Variants in APP observed in about 807,000 individuals in gnomAD.
APP encodes the protein amyloid-beta precursor protein.
In APP, 31 loss-of-function variants were observed where a neutral mutation model predicts 101.4. That is an observed-to-expected ratio of 0.31 (90% CI 0.23 to 0.41). The LOEUF (loss-of-function observed/expected upper bound fraction) is 0.41, where lower values mean the gene tolerates loss of function less well. Ranked by LOEUF, APP falls within the 10% of genes least tolerant of loss-of-function variation. The pLI is 1.00. For missense variants in APP, 839 were observed against 1,003.7 expected (o/e 0.84, Z 2.22); for synonymous variants, 366 against 364.4 (o/e 1.00, Z -0.05).
chr21:25,963,415 A>G (rs2041664811), intron 11 of APP, among the ~76,000 whole-genome samples: 1 of 152,178 alleles, frequency 6.6e-6, no homozygotes, highest in Non-Finnish European at 1.5e-5. Context: ...TTCTTATGGA[A>G]GGCAGTGAAG....
intron 3 of APP, among the ~76,000 whole-genome samples, chr21:26,077,047 A>G (rs1272378563): frequency 7.0e-6 from 1 of 143,880 alleles, no homozygotes; most frequent in East Asian, 2.1e-4. Flanking sequence ...TGGGCGACAG[A>G]GTGAGACTCT....
intron 2 of APP, among the ~76,000 whole-genome samples, chr21:26,106,954 C>T (rs1194413209): frequency 6.6e-6 from 1 of 152,190 alleles, no homozygotes; most frequent in Non-Finnish European, 1.5e-5. Flanking sequence ...TTTTGTCACA[C>T]ACACATACAA....
At chr21:25,972,869 A>G (rs529953993) in intron 11 of APP, among the ~76,000 whole-genome samples, 1 of 152,286 alleles carries the variant, frequency 6.6e-6, no homozygotes, top group African/African-American at 2.4e-5. Flanking sequence ...AACATCAACA[A>G]TGTAGTAAGG....
At chr21:26,163,851 A>T (rs528146046) in intron 1 of APP, among the ~76,000 whole-genome samples, 1 of 152,354 alleles carries the variant, frequency 6.6e-6, no homozygotes, top group South Asian at 2.1e-4. Flanking sequence ...TTTTTGAGCA[A>T]CATATGCTGA....
intron 5 of APP, among the ~76,000 whole-genome samples, chr21:26,038,502 G>A (rs1294726977): frequency 1.3e-5 from 2 of 152,150 alleles, no homozygotes; most frequent in African/African-American, 2.4e-5. Context: ...GGTGTCTCAC[G>A]CCTGTAATCC....
At chr21:25,973,440 A>C (rs1036925726) in intron 11 of APP, among the ~76,000 whole-genome samples, 2 of 152,240 alleles carry the variant, frequency 1.3e-5, no homozygotes, top group Non-Finnish European at 1.5e-5. Context: ...ATTAATATTA[A>C]AGTAGATTTT....
At chr21:26,146,537 T>C (rs1044026251) in intron 1 of APP, among the ~76,000 whole-genome samples, 1 of 152,096 alleles carries the variant, frequency 6.6e-6, no homozygotes, top group Non-Finnish European at 1.5e-5. Context: ...ATAGAGATTC[T>C]GTTAGACATC....
At chr21:26,121,871 T>C (rs1460873876) in intron 1 of APP, among the ~76,000 whole-genome samples, 1 of 152,152 alleles carries the variant, frequency 6.6e-6, no homozygotes, top group Non-Finnish European at 1.5e-5. Flanking sequence ...ACTGCAATGT[T>C]GACCCACTCG....
chr21:26,089,993 C>T lies in APP; in HGVS notation c.305G>A (p.Arg102His), dbSNP rs777260127. The change falls in exon 3 of 18, where the codon CGC (arginine) becomes CAC (histidine). Residue 102 changes from arginine to histidine, a missense_variant. Arg to His is a conservative substitution (Grantham distance 29, BLOSUM62 0). Transcript: ENST00000346798. ...VTIQNWCKRG[R>H]KQCKTHPHFV... is the part of the protein sequence containing the mutation. ...GTGGGGATGGGTCTTGCACTGCTTGCGGCCCCGCTTGCACCAGTTCTGGAT... is the reference window on the plus strand; with the variant it reads ...GTGGGGATGGGTCTTGCACTGCTTGTGGCCCCGCTTGCACCAGTTCTGGAT... 2.4e-5 allele frequency: 38 copies of T among 1,614,072 alleles called. No individual in the cohort carries two copies. The highest frequency in any genetic ancestry group is 1.1e-4 in the African/African-American group (8 of 74,922).
At chr21:25,885,831 T>C (rs910687595) in intron 17 of APP, among the ~76,000 whole-genome samples, 6 of 152,192 alleles carry the variant, frequency 3.9e-5, no homozygotes, top group Non-Finnish European at 8.8e-5. Flanking sequence ...CATTTAGTCC[T>C]TCACTGTATC....
At chr21:25,964,780 A>G (rs1461199729) in intron 11 of APP, among the ~76,000 whole-genome samples, 1 of 151,726 alleles carries the variant, frequency 6.6e-6, no homozygotes, top group Non-Finnish European at 1.5e-5. Flanking sequence ...TTGTATTTTT[A>G]GTAGAGACAG....
At chr21:26,042,406 T>A (rs989142867) in intron 5 of APP, among the ~76,000 whole-genome samples, 13 of 152,240 alleles carry the variant, frequency 8.5e-5, no homozygotes, top group Admixed American at 5.2e-4. Flanking sequence ...CATGATTGAA[T>A]GACAAGTTTT....
At chr21:26,170,839 C>T, upstream of APP, 2 of 483,702 alleles carry the variant, frequency 4.1e-6, no homozygotes, top group Non-Finnish European at 7.1e-6. Context: ...CCGCTCGGCA[C>T]CCGAGAGAGA....
intron 1 of APP, among the ~76,000 whole-genome samples, chr21:26,127,021 A>C (rs972214680): frequency 4.6e-5 from 7 of 152,194 alleles, no homozygotes; most frequent in African/African-American, 1.7e-4. Context: ...TGGTGTATCA[A>C]AAGTTATTAA....
intron 3 of APP, among the ~76,000 whole-genome samples, chr21:26,057,497 A>ACC (rs1568921312): frequency 2.0e-5 from 3 of 151,656 alleles, no homozygotes; most frequent in African/African-American, 7.3e-5. Flanking sequence ...ACACACACAC[A>ACC]CACCCAACTG....
At chr21:25,952,219 CACACACAT>C (rs1458757223) in intron 13 of APP, among the ~76,000 whole-genome samples, 9 of 151,686 alleles carry the variant, frequency 5.9e-5, no homozygotes, top group Admixed American at 1.3e-4. Flanking sequence ...CACACACACA[CACACACAT>C]TAAGAGCACA....
intron 8 of APP, among the ~76,000 whole-genome samples, chr21:25,986,312 T>C (rs547843357): frequency 6.6e-6 from 1 of 152,164 alleles, no homozygotes; most frequent in African/African-American, 2.4e-5. Flanking sequence ...GGAAACAAAC[T>C]GGCTTTAGGA....
At chr21:25,918,451 G>A (rs1039353050) in intron 13 of APP, among the ~76,000 whole-genome samples, 6 of 152,132 alleles carry the variant, frequency 3.9e-5, no homozygotes, top group Admixed American at 2.6e-4. Flanking sequence ...GGTGATTTCC[G>A]CATTTCCATC....
At chr21:26,018,230 T>C (rs1329672971) in intron 6 of APP, among the ~76,000 whole-genome samples, 3 of 152,248 alleles carry the variant, frequency 2.0e-5, no homozygotes, top group African/African-American at 7.2e-5. Flanking sequence ...AGTAGCAATA[T>C]GTTGGTAATG....
Sources: gnomAD v4.1 joint callset for allele counts (sites outside exome capture counted in the v4.1 genomes callset) on GRCh38, gnomAD v4.1.1 for gene constraint, MANE v1.5 for transcripts, NCBI Gene and HGNC (gene_info 2026-07-23, HGNC 2026-07-21) for gene names.